ADAM12: variants seen among roughly 807,000 people sequenced by gnomAD.
The protein encoded by ADAM12 is ADAM metallopeptidase domain 12, also known as disintegrin and metalloproteinase domain-containing protein 12.
A neutral mutation model predicts 106.4 loss-of-function variants in ADAM12; 70 were observed. The observed-to-expected ratio is 0.66, with a 90% CI of 0.54 to 0.80. The LOEUF (loss-of-function observed/expected upper bound fraction) is 0.80. Among genes scored for constraint, ADAM12 ranks in the 30% least tolerant of loss-of-function variants. The pLI, the probability that ADAM12 is intolerant of heterozygous loss-of-function variation, is 0.00. For missense variants in ADAM12, 1,010 were observed against 1,171.9 expected (o/e 0.86, Z 2.02); for synonymous variants, 420 against 433.5 (o/e 0.97, Z 0.39).
chr10:126,245,327 C>A (rs2133664993), intron 3 of ADAM12, among the ~76,000 whole-genome samples: 1 of 152,266 alleles, frequency 6.6e-6, no homozygotes, highest in South Asian at 2.1e-4. Context: ...CCCAGAGACG[C>A]TGAAGAACAT....
chr10:126,375,742 CTT>C (rs34064275), intron 1 of ADAM12, among the ~76,000 whole-genome samples: 22 of 140,416 alleles, frequency 1.6e-4, no homozygotes, highest in Admixed American at 5.0e-4. Context: ...TCTTCTTCTT[CTT>C]TTTTTTTTTT....
intron 3 of ADAM12, among the ~76,000 whole-genome samples, chr10:126,225,027 G>A (rs1958165696): frequency 6.6e-6 from 1 of 152,246 alleles, no homozygotes; most frequent in South Asian, 2.1e-4. Context: ...GGAGTGAGAA[G>A]CAACTCTTTA....
At chr10:126,384,631 T>C (rs1337579537) in intron 1 of ADAM12, among the ~76,000 whole-genome samples, 1 of 151,874 alleles carries the variant, frequency 6.6e-6, no homozygotes, top group Non-Finnish European at 1.5e-5. Flanking sequence ...ATGTGTTGGA[T>C]CATATTGAAA....
At chr10:126,230,027 T>C (rs1033072561) in intron 3 of ADAM12, among the ~76,000 whole-genome samples, 6 of 152,152 alleles carry the variant, frequency 3.9e-5, no homozygotes, top group Admixed American at 3.9e-4. Flanking sequence ...GCCCTTTATA[T>C]GTGGCTAATT....
intron 6 of ADAM12, among the ~76,000 whole-genome samples, chr10:126,114,637 G>A (rs534724609): frequency 1.1e-4 from 17 of 152,190 alleles, no homozygotes; most frequent in African/African-American, 1.4e-4. Flanking sequence ...CTGCCACTAC[G>A]CCCTGCTAAT....
At chr10:126,291,176 C>A (rs749415896) in intron 2 of ADAM12, among the ~76,000 whole-genome samples, 2 of 152,070 alleles carry the variant, frequency 1.3e-5, no homozygotes, top group Non-Finnish European at 2.9e-5. Context: ...TCCTACAACA[C>A]ATTTCAAAAC....
intron 21 of ADAM12, among the ~76,000 whole-genome samples, chr10:126,024,876 A>G (rs746189706): frequency 4.2e-4 from 64 of 152,090 alleles, no homozygotes; most frequent in Non-Finnish European, 6.6e-4. Flanking sequence ...GGGTGAGGCA[A>G]TGGCCCACCT....
intron 3 of ADAM12, among the ~76,000 whole-genome samples, chr10:126,224,337 G>T (rs1296904212): frequency 1.3e-5 from 2 of 152,190 alleles, no homozygotes; most frequent in Non-Finnish European, 2.9e-5. Context: ...GCTCCAGCTG[G>T]ACACACCTCC....
chr10:126,254,682 C>T (rs894520456), intron 3 of ADAM12, among the ~76,000 whole-genome samples: 3 of 152,136 alleles, frequency 2.0e-5, no homozygotes, highest in Non-Finnish European at 4.4e-5. Context: ...GAGCCACCAC[C>T]GTAGTGAGGA....
intron 6 of ADAM12, among the ~76,000 whole-genome samples, chr10:126,116,814 A>G (rs1350340189): frequency 6.6e-6 from 1 of 152,200 alleles, no homozygotes; most frequent in East Asian, 1.9e-4. Context: ...GGGAACAGAC[A>G]TCTATCCACA....
chr10:126,082,368 T>G (rs1227464494), intron 11 of ADAM12, among the ~76,000 whole-genome samples: 1 of 142,100 alleles, frequency 7.0e-6, no homozygotes, highest in East Asian at 2.1e-4. Flanking sequence ...TGACTGTTTT[T>G]TTTTTTTTTT....
At chr10:126,139,517 T>G (rs951548100) in intron 4 of ADAM12, among the ~76,000 whole-genome samples, 3 of 152,216 alleles carry the variant, frequency 2.0e-5, no homozygotes, top group African/African-American at 7.2e-5. Context: ...TTGCAAACAA[T>G]GAAAGTGCCG....
intron 3 of ADAM12, among the ~76,000 whole-genome samples, chr10:126,238,613 T>C (rs1053791865): frequency 6.6e-6 from 1 of 152,182 alleles, no homozygotes; most frequent in Non-Finnish European, 1.5e-5. Flanking sequence ...ATATACAAAA[T>C]AAAATTTATT....
chr10:126,323,877 G>A (rs1854197152), intron 2 of ADAM12, among the ~76,000 whole-genome samples: 1 of 152,226 alleles, frequency 6.6e-6, no homozygotes, highest in Non-Finnish European at 1.5e-5. Flanking sequence ...GAGCACTGGG[G>A]CATTGCTTAT....
chr10:126,075,896 C>A (rs531916288), intron 11 of ADAM12, among the ~76,000 whole-genome samples: 1 of 152,192 alleles, frequency 6.6e-6, no homozygotes, highest in Non-Finnish European at 1.5e-5. Flanking sequence ...ATGGGCCAGG[C>A]ACTGGGAATG....
intron 5 of ADAM12, among the ~76,000 whole-genome samples, chr10:126,125,857 G>A (rs1042058904): frequency 7.3e-5 from 11 of 151,578 alleles, no homozygotes; most frequent in Non-Finnish European, 1.3e-4. Flanking sequence ...ACACACAGAC[G>A]TAGGGAAGAA....
chr10:126,267,873 G>A (rs1225922814), intron 3 of ADAM12, among the ~76,000 whole-genome samples: 1 of 152,098 alleles, frequency 6.6e-6, no homozygotes, highest in Non-Finnish European at 1.5e-5. Flanking sequence ...TCTACACTAT[G>A]TACCTTCATG....
chr10:126,156,274 C>CA (rs767764409), intron 3 of ADAM12, among the ~76,000 whole-genome samples: 1 of 152,110 alleles, frequency 6.6e-6, no homozygotes, highest in Non-Finnish European at 1.5e-5. Context: ...GGTCTGGAGG[C>CA]AGGGAACAAA....
intron 6 of ADAM12, among the ~76,000 whole-genome samples, chr10:126,116,208 C>T (rs926387505): frequency 3.3e-5 from 5 of 152,132 alleles, no homozygotes; most frequent in South Asian, 2.1e-4. Context: ...CTATATGAAA[C>T]GACAAACATA....
Sources: gnomAD v4.1 joint callset for allele counts (sites outside exome capture counted in the v4.1 genomes callset) on GRCh38, gnomAD v4.1.1 for gene constraint, MANE v1.5 for transcripts, NCBI Gene and HGNC (gene_info 2026-07-23, HGNC 2026-07-21) for gene names.